PCDH11X: variants seen among roughly 807,000 people sequenced by gnomAD.
PCDH11X encodes the protein protocadherin 11 X-linked, also known as protocadherin-11 X-linked.
A neutral mutation model predicts 53.3 loss-of-function variants in PCDH11X; 18 were observed. The ratio of observed to expected loss-of-function variants is 0.34; its 90% CI spans 0.23 to 0.50. The LOEUF (loss-of-function observed/expected upper bound fraction) is 0.50. Ranked by LOEUF, PCDH11X falls within the 20% of genes least tolerant of loss-of-function variation. The pLI is 0.98. For missense variants in PCDH11X, 570 were observed against 1,032.4 expected, an observed-to-expected ratio of 0.55 and a Z score of 6.14; for synonymous variants, 279 against 393.3, an observed-to-expected ratio of 0.71 and a Z score of 3.44.
chrX:92,264,824 A>G (rs1393778472), intron 8 of PCDH11X, among the ~76,000 whole-genome samples: 1 of 109,969 alleles, frequency 9.1e-6, no homozygotes, highest in Non-Finnish European at 1.9e-5. Context: ...AAACAGTTCA[A>G]CATGTAAATA....
intron 10 of PCDH11X, among the ~76,000 whole-genome samples, chrX:92,606,609 A>G (rs1415280874): frequency 2.7e-5 from 3 of 109,786 alleles, no homozygotes; most frequent in African/African-American, 6.6e-5. Context: ...ATGACTTTGC[A>G]TTAAGCAAAG....
chrX:92,063,553 C>G (rs1212556518), intron 6 of PCDH11X, among the ~76,000 whole-genome samples: 2 of 111,069 alleles, frequency 1.8e-5, no homozygotes, highest in African/African-American at 6.5e-5. Flanking sequence ...CTATTTCTGT[C>G]ATTTTAGCCA....
At chrX:91,883,662 T>G (rs7876094) in intron 6 of PCDH11X, 33 of 493,716 alleles carry the variant, frequency 6.7e-5, no homozygotes, top group East Asian at 1.9e-4. Context: ...AAAATTAGCC[T>G]GGCGTGGTGG....
intron 6 of PCDH11X, among the ~76,000 whole-genome samples, chrX:92,026,127 T>C (rs907103817): frequency 9.2e-6 from 1 of 109,036 alleles, no homozygotes; most frequent in African/African-American, 3.3e-5. Flanking sequence ...GATAAAATAA[T>C]CTGTACAACA....
At chrX:92,402,299 T>C in intron 9 of PCDH11X, among the ~76,000 whole-genome samples, 1 of 111,847 alleles carries the variant, frequency 8.9e-6, no homozygotes, top group Non-Finnish European at 1.9e-5. Flanking sequence ...TTAAAATTCA[T>C]ATGGAACCAA....
chrX:92,216,655 C>T (rs1346421077), intron 7 of PCDH11X, among the ~76,000 whole-genome samples: 2 of 79,081 alleles, frequency 2.5e-5, no homozygotes, highest in African/African-American at 9.6e-5. Flanking sequence ...AGAACTTCCC[C>T]AATCTAGCAA....
rs1602857104 is a variant in PCDH11X, at chrX:92,083,046, A to G, written c.3034-118329A>G. ...TCAAAACCACAGCAGTGCTTAGATG[A>G]CAGACCCCTAGTTATGGTTGACAGC... On this transcript the variant is annotated intron_variant, in intron 6 of 10. Transcript: ENST00000682573. Among the ~76,000 whole-genome samples, 3 of 111,568 alleles carry G rather than the reference A, an allele frequency of 2.7e-5. No homozygotes were observed. In the Admixed American group the frequency reaches 2.9e-4, roughly 11 times the overall value.
intron 6 of PCDH11X, among the ~76,000 whole-genome samples, chrX:92,127,179 G>A (rs2064882133): frequency 9.1e-6 from 1 of 110,387 alleles, no homozygotes; most frequent in Non-Finnish European, 1.9e-5. Flanking sequence ...TATGTATATT[G>A]TTAAAATGTA....
intron 6 of PCDH11X, among the ~76,000 whole-genome samples, chrX:91,955,091 T>C (rs974448896): frequency 2.7e-5 from 3 of 111,820 alleles, no homozygotes; most frequent in African/African-American, 9.7e-5. Context: ...TTTTGGGTTT[T>C]ATATTAAGTC....
chrX:92,060,895 A>C (rs2063514449), intron 6 of PCDH11X, among the ~76,000 whole-genome samples: 1 of 111,880 alleles, frequency 8.9e-6, no homozygotes, highest in Non-Finnish European at 1.9e-5. Context: ...GTTCTTTGAG[A>C]AATCGCCAAA....
chrX:92,411,065 C>T (rs1053869408), intron 9 of PCDH11X, among the ~76,000 whole-genome samples: 1 of 108,207 alleles, frequency 9.2e-6, no homozygotes, highest in African/African-American at 3.4e-5. Context: ...TTAAAATAAT[C>T]TCTTGTTTTC....
At chrX:92,037,554 A>G (rs924184343) in intron 6 of PCDH11X, among the ~76,000 whole-genome samples, 2 of 111,153 alleles carry the variant, frequency 1.8e-5, no homozygotes, top group Non-Finnish European at 3.8e-5. Context: ...AATGATTTAT[A>G]TTCCTTTGGG....
intron 10 of PCDH11X, among the ~76,000 whole-genome samples, chrX:92,585,341 C>T (rs1397973267): frequency 3.7e-5 from 4 of 108,368 alleles, no homozygotes; most frequent in Non-Finnish European, 5.7e-5. Flanking sequence ...TTTCCAAATT[C>T]AAAAGCCAAA....
intron 8 of PCDH11X, among the ~76,000 whole-genome samples, chrX:92,266,021 T>A (rs1313581715): frequency 8.9e-6 from 1 of 111,804 alleles, no homozygotes; most frequent in Non-Finnish European, 1.9e-5. Flanking sequence ...ATACATTGCC[T>A]AATATAATAC....
intron 6 of PCDH11X, among the ~76,000 whole-genome samples, chrX:92,101,329 T>C (rs140160497): frequency 0.018 from 1,954 of 111,621 alleles, 32 homozygotes; most frequent in African/African-American, 0.061. Context: ...GGAGCATCTA[T>C]ACAGGAGCTT....
chrX:91,909,524 T>TA (rs201683527), intron 6 of PCDH11X, among the ~76,000 whole-genome samples: 1,637 of 109,987 alleles, frequency 0.015, 44 homozygotes, highest in African/African-American at 0.052. Flanking sequence ...TTTGCTGATT[T>TA]AAAAATGTCT....
At chrX:92,148,133 T>C (rs1362800197) in intron 6 of PCDH11X, among the ~76,000 whole-genome samples, 16 of 5,192 alleles carry the variant, frequency 3.1e-3, no homozygotes, top group Non-Finnish European at 3.4e-3. Flanking sequence ...TTTCTTTCTT[T>C]TTCCTTCCTT....
chrX:91,795,524 T>C (rs1935705276), intron 1 of PCDH11X, among the ~76,000 whole-genome samples: 1 of 111,874 alleles, frequency 8.9e-6, no homozygotes, highest in Non-Finnish European at 1.9e-5. Flanking sequence ...GTGTGTTAAA[T>C]AGTAAAATGG....
chrX:92,077,725 G>A (rs1432119766), intron 6 of PCDH11X, among the ~76,000 whole-genome samples: 1 of 110,618 alleles, frequency 9.0e-6, no homozygotes, highest in African/African-American at 3.3e-5. Context: ...ATTATATAGT[G>A]CATAAACTTC....
Sources: allele counts gnomAD v4.1 joint callset (sites outside exome capture counted in the v4.1 genomes callset), GRCh38; gene constraint gnomAD v4.1.1; transcripts MANE v1.5; gene names NCBI Gene and HGNC (gene_info 2026-07-23, HGNC 2026-07-21).